Variants in MSN observed in about 807,000 individuals in gnomAD.
MSN encodes epididymis luminal protein 70.
A neutral mutation model predicts 48.0 loss-of-function variants in MSN; 2 were observed. The observed-to-expected ratio is 0.04, with a 90% confidence interval of 0.02 to 0.13. The LOEUF (loss-of-function observed/expected upper bound fraction) is 0.13. Among genes scored for constraint, MSN ranks in the 10% least tolerant of loss-of-function variants. The probability of loss-of-function intolerance (pLI) is 1.00; values close to 1 mark genes in which losing one functional copy is unlikely to be tolerated. For missense variants in MSN, 267 were observed against 470.1 expected, an observed-to-expected ratio of 0.57 and a Z score of 3.99; for synonymous variants, 146 against 166.9, an observed-to-expected ratio of 0.87 and a Z score of 0.97.
chrX:65,681,858 C>T (rs1374859689), intron 1 of MSN, among the ~76,000 whole-genome samples: 1 of 111,912 alleles, frequency 8.9e-6, no homozygotes, highest in African/African-American at 3.3e-5. Flanking sequence ...CCTCTGAACC[C>T]AGAATGCCAG....
chrX:65,652,709 G>A (rs2070751358), intron 1 of MSN, among the ~76,000 whole-genome samples: 1 of 111,924 alleles, frequency 8.9e-6, no homozygotes, highest in African/African-American at 3.2e-5. Flanking sequence ...TCTTGAGTCT[G>A]GAGACCCAGT....
intron 1 of MSN, among the ~76,000 whole-genome samples, chrX:65,602,076 G>A (rs1280094805): frequency 8.9e-6 from 1 of 112,092 alleles, no homozygotes; most frequent in Non-Finnish European, 1.9e-5. Flanking sequence ...AAAGACCCAA[G>A]TTCTAAACTT....
intron 1 of MSN, among the ~76,000 whole-genome samples, chrX:65,639,435 G>A (rs1001673627): frequency 4.4e-5 from 5 of 112,413 alleles, no homozygotes; most frequent in East Asian, 2.8e-4. Context: ...GTGAGCCACC[G>A]TGCCTGGCCT....
chrX:65,597,309 A>G (rs1260553737), intron 1 of MSN, among the ~76,000 whole-genome samples: 2 of 107,213 alleles, frequency 1.9e-5, no homozygotes, highest in East Asian at 5.8e-4. Context: ...TCGGCCTCCC[A>G]AAGCACTGGG....
chrX:65,623,789 G>A (rs2070477243), intron 1 of MSN, among the ~76,000 whole-genome samples: 1 of 104,753 alleles, frequency 9.5e-6, no homozygotes, highest in Non-Finnish European at 1.9e-5. Flanking sequence ...TCCAGCCTGG[G>A]CGACAAGAGA....
intron 1 of MSN, among the ~76,000 whole-genome samples, chrX:65,678,567 G>A (rs778812856): frequency 1.2e-4 from 13 of 111,339 alleles, no homozygotes; most frequent in African/African-American, 4.3e-4. Flanking sequence ...AGTTCTTTAA[G>A]TATGCCTGTT....
intron 1 of MSN, among the ~76,000 whole-genome samples, chrX:65,674,318 A>C (rs964381351): frequency 1.8e-5 from 2 of 111,588 alleles, no homozygotes; most frequent in Non-Finnish European, 3.8e-5. Flanking sequence ...AACAGTATTG[A>C]AAGGAGAACT....
At chrX:65,651,292 C>T (rs1463023640) in intron 1 of MSN, among the ~76,000 whole-genome samples, 2 of 98,222 alleles carry the variant, frequency 2.0e-5, no homozygotes, top group South Asian at 5.0e-4. Context: ...CATTCCAGCC[C>T]GGGGGACAGA....
intron 1 of MSN, among the ~76,000 whole-genome samples, chrX:65,633,424 A>G (rs1053617129): frequency 8.9e-6 from 1 of 112,200 alleles, no homozygotes; most frequent in African/African-American, 3.2e-5. Context: ...ACCACCAAAC[A>G]AAGCACAAAC....
chrX:65,693,225 A>G (rs2071193709), intron 1 of MSN, among the ~76,000 whole-genome samples: 2 of 111,702 alleles, frequency 1.8e-5, no homozygotes, highest in Admixed American at 1.9e-4. Flanking sequence ...GTGGTCACCT[A>G]GGGTTAGAAT....
Position 65,739,209 on chromosome X carries a change from C to T in MSN, c.1569+15C>T. 1 of 1,187,555 alleles carries T rather than the reference C, an allele frequency of 8.4e-7. No individual in the cohort carries two copies. Among genetic ancestry groups the T allele is most frequent in the South Asian group, 1.8e-5 (1 of 54,799 alleles). On this transcript the variant is annotated intron_variant, in intron 12 of 12. Coordinates refer to ENST00000360270, the MANE Select transcript of MSN (RefSeq NM_002444.3). ...AGCACCTGAAGGTATACAAGTAGGG[C>T]CAAGGGGCAAGGAAACTATATGCAT... is the stretch of plus-strand genomic sequence containing the variant.
chrX:65,641,229 A>T (rs1048861325), intron 1 of MSN, among the ~76,000 whole-genome samples: 1 of 109,668 alleles, frequency 9.1e-6, no homozygotes, highest in African/African-American at 3.3e-5. Flanking sequence ...GTTAAAGCAA[A>T]TTCAAAAGAC....
In MSN at chrX:65,595,738, G is replaced by A. The variant is rs1022373068; in HGVS notation, c.-22+7126G>A. ...AGAACCACAGGCTGTCAGAATCAGA[G>A]GGTGTGTTTAGATAACTTATATTTG... On this transcript the variant is annotated intron_variant, in intron 1 of 3. Transcript: ENST00000609672. Among the ~76,000 whole-genome samples, 9 of 112,358 alleles carry A rather than the reference G, an allele frequency of 8.0e-5. No individual in the cohort carries two copies. In the South Asian group the frequency reaches 1.5e-3, roughly 18 times the overall value.
chrX:65,620,713 T>A (rs1038767104), intron 1 of MSN, among the ~76,000 whole-genome samples: 4 of 111,831 alleles, frequency 3.6e-5, no homozygotes, highest in Non-Finnish European at 7.5e-5. Context: ...CTGCTCCTAT[T>A]CGGCCATCTT....
At chrX:65,689,963 C>T (rs1193482834) in intron 1 of MSN, among the ~76,000 whole-genome samples, 2 of 111,439 alleles carry the variant, frequency 1.8e-5, no homozygotes, top group African/African-American at 3.3e-5. Flanking sequence ...GTTAGAGCTG[C>T]CCTTCTTATA....
chrX:65,715,666 G>A (rs897149573), intron 1 of MSN, among the ~76,000 whole-genome samples: 9 of 111,842 alleles, frequency 8.0e-5, no homozygotes, highest in African/African-American at 2.6e-4. Flanking sequence ...ACTTTTGTAT[G>A]TTGATTTTTG....
intron 1 of MSN, among the ~76,000 whole-genome samples, chrX:65,606,717 A>G: frequency 8.9e-6 from 1 of 112,790 alleles, no homozygotes; most frequent in Non-Finnish European, 1.9e-5. Context: ...CACTGAGCCC[A>G]GGCTGATCAT....
chrX:65,603,297 C>G (rs2148351813), intron 1 of MSN, among the ~76,000 whole-genome samples: 1 of 111,406 alleles, frequency 9.0e-6, no homozygotes, highest in East Asian at 2.8e-4. Context: ...AACTCCATCT[C>G]AAAAAACAAA....
chrX:65,637,921 C>G (rs948741830), intron 1 of MSN, among the ~76,000 whole-genome samples: 5 of 111,548 alleles, frequency 4.5e-5, no homozygotes, highest in Non-Finnish European at 9.4e-5. Context: ...TTATTTAGCA[C>G]TTATTACCAT....
Sources: allele counts gnomAD v4.1 joint callset (sites outside exome capture counted in the v4.1 genomes callset), GRCh38; gene constraint gnomAD v4.1.1; transcripts MANE v1.5; gene names NCBI Gene and HGNC (gene_info 2026-07-23, HGNC 2026-07-21).